PPFIBP2: variants seen among roughly 807,000 people sequenced by gnomAD.
PPFIBP2 encodes liprin-beta-2.
Under a neutral mutation model 118.3 loss-of-function variants are expected in PPFIBP2, and 118 were observed. That is an observed-to-expected ratio of 1.00 (90% CI 0.86 to 1.16). The LOEUF (loss-of-function observed/expected upper bound fraction) is 1.16, where lower values mean the gene tolerates loss of function less well. PPFIBP2 is among the 50% of genes most tolerant of loss of function. The probability of loss-of-function intolerance (pLI) is 0.00; values close to 1 mark genes in which losing one functional copy is unlikely to be tolerated. For missense variants in PPFIBP2, 1,195 were observed against 1,073.1 expected, an observed-to-expected ratio of 1.11 and a Z score of -1.59; for synonymous variants, 414 against 397.4, an observed-to-expected ratio of 1.04 and a Z score of -0.50.
intron 3 of PPFIBP2, among the ~76,000 whole-genome samples, chr11:7,592,671 T>C (rs1859546558): frequency 6.6e-6 from 1 of 152,196 alleles, no homozygotes; most frequent in Admixed American, 6.5e-5. Flanking sequence ...GTGCCTTGGC[T>C]TCAGGGGACC....
chr11:7,623,003 A>G (rs763268862), intron 7 of PPFIBP2, among the ~76,000 whole-genome samples: 6 of 152,210 alleles, frequency 3.9e-5, no homozygotes, highest in Admixed American at 6.5e-5. Context: ...ATTTGCACAC[A>G]TTTTATCATC....
the PPFIBP2 span, among the ~76,000 whole-genome samples, chr11:7,663,368 A>C: frequency 6.6e-6 from 1 of 151,434 alleles, no homozygotes; most frequent in African/African-American, 2.4e-5. Flanking sequence ...CTTCTAACAG[A>C]CAGGACCCTC....
At chr11:7,615,945 C>T (rs116012396) in intron 6 of PPFIBP2, among the ~76,000 whole-genome samples, 3 of 152,332 alleles carry the variant, frequency 2.0e-5, no homozygotes, top group African/African-American at 7.2e-5. Flanking sequence ...TCTGACTGTG[C>T]AATCTCACAG....
intron 1 of PPFIBP2, among the ~76,000 whole-genome samples, chr11:7,536,588 G>A (rs995207546): frequency 1.3e-5 from 2 of 152,164 alleles, no homozygotes; most frequent in Admixed American, 6.5e-5. Context: ...GGGGAATCAA[G>A]TGGTTTTGTT....
chr11:7,536,421 T>C (rs923764484), intron 1 of PPFIBP2, among the ~76,000 whole-genome samples: 1 of 152,014 alleles, frequency 6.6e-6, no homozygotes, highest in Non-Finnish European at 1.5e-5. Context: ...TGTTCTAGAA[T>C]AGCAGAGGAA....
At chr11:7,558,627 G>A (rs985503732) in intron 2 of PPFIBP2, among the ~76,000 whole-genome samples, 18 of 151,982 alleles carry the variant, frequency 1.2e-4, no homozygotes, top group African/African-American at 4.1e-4. Context: ...GTGGTGGCGC[G>A]TGCCTGTACT....
intron 3 of PPFIBP2, among the ~76,000 whole-genome samples, chr11:7,584,749 A>T (rs1419986769): frequency 1.3e-5 from 2 of 151,978 alleles, no homozygotes; most frequent in Non-Finnish European, 2.9e-5. Flanking sequence ...TTATTTATTT[A>T]TTTTGGTCCC....
At chr11:7,520,132 G>A (rs186552078) in intron 1 of PPFIBP2, among the ~76,000 whole-genome samples, 8 of 152,290 alleles carry the variant, frequency 5.3e-5, no homozygotes, top group African/African-American at 1.7e-4. Flanking sequence ...GCGGTATGGC[G>A]CAACATGCTG....
Position 7,607,211 on chromosome 11 carries a change from T to TA in PPFIBP2, c.487-3080_487-3079insA, listed in dbSNP as rs1321181895. Among the ~76,000 whole-genome samples, 3 of 114,566 alleles carry TA rather than the reference T, an allele frequency of 2.6e-5. No individual in the cohort carries two copies. In the South Asian group the frequency reaches 9.9e-4, roughly 38 times the overall value. 75.2% of individuals were successfully genotyped at this position (114,566 alleles called of 152,430 possible). A position where few individuals can be genotyped will look rare whatever the true frequency, so the allele number is the denominator to read the frequency against. On this transcript the variant is annotated intron_variant, in intron 5 of 23. Transcript: ENST00000299492. The stretch of plus-strand genomic sequence containing the variant: ...AGGCGTGAGCCACCGCGCCCGGCCT[T>TA]TTTTTTTTTTTTTTTTAAGACAGGG...
chr11:7,517,505 T>C (rs906394805), intron 1 of PPFIBP2, among the ~76,000 whole-genome samples: 6 of 151,286 alleles, frequency 4.0e-5, no homozygotes, highest in African/African-American at 1.5e-4. Flanking sequence ...CTACGGGGAA[T>C]GTGGAAGTGG....
chr11:7,649,244 T>G lies in PPFIBP2; in HGVS notation c.1998+9T>G, dbSNP rs1311392700. Reference sequence around the variant, plus strand: ...TGCAATACCTAACTGTGGTGAGGACTTTTTCTTTAAATATTTCAGTTGTCC... The same window carrying G: ...TGCAATACCTAACTGTGGTGAGGACGTTTTCTTTAAATATTTCAGTTGTCC... On this transcript the variant is annotated intron_variant, in intron 20 of 23. Transcript: ENST00000299492. 1.2e-6 allele frequency: 2 copies of G among 1,606,102 alleles called. No homozygotes were observed. Among genetic ancestry groups the G allele is most frequent in the Non-Finnish European group, 1.7e-6 (2 of 1,173,482 alleles).
intron 1 of PPFIBP2, among the ~76,000 whole-genome samples, chr11:7,519,301 C>G (rs1015111995): frequency 6.6e-6 from 1 of 151,996 alleles, no homozygotes; most frequent in Non-Finnish European, 1.5e-5. Context: ...AGGAGAAAGG[C>G]GATCAGGGCT....
chr11:7,524,758 G>A (rs936969901), intron 1 of PPFIBP2, among the ~76,000 whole-genome samples: 8 of 152,068 alleles, frequency 5.3e-5, no homozygotes, highest in Non-Finnish European at 1.2e-4. Flanking sequence ...GAAGGGGTGG[G>A]GTGGGAGAGT....
chr11:7,515,241 G>GT (rs1269081981), intron 1 of PPFIBP2, among the ~76,000 whole-genome samples: 2 of 152,070 alleles, frequency 1.3e-5, no homozygotes, highest in East Asian at 3.8e-4. Flanking sequence ...GATTGATGAG[G>GT]TTTTCACTGA....
chr11:7,545,595 G>A lies in PPFIBP2; in HGVS notation c.-36-3845G>A, dbSNP rs578160597. ...GAGGTCTGTAGATACAGGAAACATC[G>A]TATTCTATATATAGGGCTTGGTACC... On this transcript the variant is annotated intron_variant, in intron 1 of 23. Coordinates refer to ENST00000299492, the MANE Select transcript of PPFIBP2 (RefSeq NM_003621.5). Among the ~76,000 whole-genome samples the A allele has an allele frequency of 3.3e-5, 5 of 152,204 alleles. No individual in the cohort carries two copies. The South Asian group carries it at 6.2e-4, about 19-fold the overall frequency.
chr11:7,607,710 T>C (rs1847566098), intron 5 of PPFIBP2, among the ~76,000 whole-genome samples: 1 of 152,204 alleles, frequency 6.6e-6, no homozygotes, highest in African/African-American at 2.4e-5. Context: ...CCTTGACCTG[T>C]GCACTTGTTC....
chr11:7,532,173 C>G (rs1205326547), intron 1 of PPFIBP2, among the ~76,000 whole-genome samples: 1 of 152,186 alleles, frequency 6.6e-6, no homozygotes, highest in African/African-American at 2.4e-5. Flanking sequence ...TGTCTTCTCC[C>G]TTTGTCTTCA....
intron 1 of PPFIBP2, among the ~76,000 whole-genome samples, chr11:7,535,028 G>A (rs769662194): frequency 2.0e-5 from 3 of 152,242 alleles, no homozygotes; most frequent in Non-Finnish European, 2.9e-5. Flanking sequence ...GGTGGCTCTA[G>A]GGAGAGGGGA....
chr11:7,563,933 A>G (rs911412481), intron 2 of PPFIBP2, among the ~76,000 whole-genome samples: 3 of 152,168 alleles, frequency 2.0e-5, no homozygotes, highest in Non-Finnish European at 4.4e-5. Flanking sequence ...TGGTAGGCCA[A>G]TTTGGGTGGA....
Sources: allele counts gnomAD v4.1 joint callset (sites outside exome capture counted in the v4.1 genomes callset), GRCh38; gene constraint gnomAD v4.1.1; transcripts MANE v1.5; gene names NCBI Gene and HGNC (gene_info 2026-07-23, HGNC 2026-07-21).